Variants in ADGRL2 observed in about 807,000 individuals in gnomAD.
ADGRL2 encodes adhesion G protein-coupled receptor L2.
ADGRL2 carries 44 observed loss-of-function variants against 157.4 expected under a neutral mutation model. The observed-to-expected ratio is 0.28, with a 90% CI of 0.22 to 0.36. The LOEUF (loss-of-function observed/expected upper bound fraction) is 0.36, where lower values mean the gene tolerates loss of function less well. Among genes scored for constraint, ADGRL2 ranks in the 10% least tolerant of loss-of-function variants. ADGRL2 has a pLI of 1.00. For missense variants in ADGRL2, 1,510 were observed against 1,768.9 expected (o/e 0.85, Z 2.63); for synonymous variants, 585 against 624.7 (o/e 0.94, Z 0.95).
chr1:81,427,516 A>G (rs1344769875), intron 1 of ADGRL2: 2 of 750,578 alleles, frequency 2.7e-6, no homozygotes, highest in Non-Finnish European at 4.9e-6. Flanking sequence ...TTACGAACCC[A>G]TGTAAGGGGG....
intron 2 of ADGRL2, among the ~76,000 whole-genome samples, chr1:81,544,093 AC>A (rs1557445371): frequency 6.6e-6 from 1 of 151,800 alleles, no homozygotes. Flanking sequence ...CCATCTGGCA[AC>A]CCTGATTCCC....
At chr1:81,443,917 T>C (rs550110010) in intron 1 of ADGRL2, among the ~76,000 whole-genome samples, 1 of 152,328 alleles carries the variant, frequency 6.6e-6, no homozygotes, top group South Asian at 2.1e-4. Flanking sequence ...ATATACTTAT[T>C]TTGTTAGAAG....
intron 2 of ADGRL2, among the ~76,000 whole-genome samples, chr1:81,480,588 C>A (rs1262495948): frequency 6.6e-6 from 1 of 152,048 alleles, no homozygotes; most frequent in East Asian, 1.9e-4. Flanking sequence ...ATATAGCTGA[C>A]CATATTAGGG....
At chr1:81,753,586 T>C (rs1345760467) in intron 1 of ADGRL2, among the ~76,000 whole-genome samples, 2 of 152,208 alleles carry the variant, frequency 1.3e-5, no homozygotes, top group African/African-American at 4.8e-5. Context: ...TATACTGATA[T>C]GTTTGAGAAA....
intron 3 of ADGRL2, among the ~76,000 whole-genome samples, chr1:81,650,742 T>G (rs2082404294): frequency 6.6e-6 from 1 of 151,840 alleles, no homozygotes; most frequent in African/African-American, 2.4e-5. Flanking sequence ...TCAACAAAAT[T>G]TTTAAGATTT....
At chr1:81,405,285 T>G (rs2076833037) in intron 1 of ADGRL2, among the ~76,000 whole-genome samples, 1 of 152,208 alleles carries the variant, frequency 6.6e-6, no homozygotes, top group African/African-American at 2.4e-5. Flanking sequence ...GAAGTCTTTT[T>G]TGGCACTGGC....
chr1:81,330,715 T>TG (rs1252090059), intron 1 of ADGRL2, among the ~76,000 whole-genome samples: 6 of 152,168 alleles, frequency 3.9e-5, no homozygotes, highest in Admixed American at 3.9e-4. Context: ...TGCCAACAGA[T>TG]GCATCAGTCA....
chr1:81,463,188 C>T (rs952957680), intron 2 of ADGRL2, among the ~76,000 whole-genome samples: 3 of 150,744 alleles, frequency 2.0e-5, no homozygotes, highest in African/African-American at 7.3e-5. Flanking sequence ...TACAAATGGT[C>T]ATGGTCTTCA....
chr1:81,741,005 G>T (rs1319759038), intron 1 of ADGRL2, among the ~76,000 whole-genome samples: 3 of 151,674 alleles, frequency 2.0e-5, no homozygotes, highest in Admixed American at 6.6e-5. Context: ...ACAGAGAAAA[G>T]AAATATTATA....
intron 1 of ADGRL2, among the ~76,000 whole-genome samples, chr1:81,326,727 G>C (rs945727004): frequency 3.3e-5 from 5 of 152,152 alleles, no homozygotes; most frequent in African/African-American, 4.8e-5. Context: ...CAGAAATACT[G>C]TAATCAATCC....
chr1:81,444,910 C>T (rs2101700063), intron 1 of ADGRL2: 1 of 152,282 alleles, frequency 6.6e-6, no homozygotes, highest in East Asian at 1.9e-4. Flanking sequence ...TAAATGCCTT[C>T]ATCATTTGAA....
At chr1:81,509,322 C>T (rs1437928664) in intron 2 of ADGRL2, among the ~76,000 whole-genome samples, 1 of 151,772 alleles carries the variant, frequency 6.6e-6, no homozygotes, top group Non-Finnish European at 1.5e-5. Context: ...GTCTTCCATT[C>T]GTGGAAAATC....
intron 1 of ADGRL2, among the ~76,000 whole-genome samples, chr1:81,441,833 C>T (rs139172730): frequency 1.3e-5 from 2 of 152,140 alleles, no homozygotes; most frequent in Non-Finnish European, 2.9e-5. Flanking sequence ...CCACCACTCC[C>T]AACCTAGAAT....
chr1:81,390,628 A>G (rs1190434485), intron 1 of ADGRL2, among the ~76,000 whole-genome samples: 1 of 152,300 alleles, frequency 6.6e-6, no homozygotes, highest in Non-Finnish European at 1.5e-5. Flanking sequence ...TTCCATACCT[A>G]TCCTAATAGA....
intron 1 of ADGRL2, among the ~76,000 whole-genome samples, chr1:81,401,346 T>C (rs1025264032): frequency 6.6e-6 from 1 of 152,124 alleles, no homozygotes; most frequent in Non-Finnish European, 1.5e-5. Flanking sequence ...ACTACAGTTG[T>C]CCAAGGTGCT....
intron 2 of ADGRL2, among the ~76,000 whole-genome samples, chr1:81,575,357 TA>T (rs2080777376): frequency 6.6e-6 from 1 of 152,138 alleles, no homozygotes; most frequent in African/African-American, 2.4e-5. Context: ...ACGGAAAGGT[TA>T]AAAAGCAGTA....
rs188319396 is a variant in ADGRL2 at position 81,413,933 on chromosome 1, T to C, written c.-301-31103T>C. ...AAGAGGAAGGGGAAAAGGAGTCCTA[T>C]TGCCACTCTGTGTAGATATCTGTGA... is the stretch of plus-strand genomic sequence containing the variant. On this transcript the variant is annotated intron_variant, in intron 1 of 24. Coordinates refer to the ADGRL2 transcript ENST00000370721. 4.9e-3 allele frequency among the ~76,000 whole-genome samples: 747 copies of C among 152,302 alleles called. 8 individuals are homozygous for C. Among genetic ancestry groups the C allele is most frequent in the African/African-American group, 0.017 (727 of 41,570 alleles).
At position 81,622,430 on chromosome 1, in the gene ADGRL2, A is replaced by T. The variant is rs149849045; in HGVS notation, c.-143+41450A>T. On this transcript the variant is annotated intron_variant, in intron 3 of 24. Transcript: ENST00000370721. ...ACCCTGTCTCTACTAAAAATACAAA[A>T]ATTAGCTGGGCGTGGTGGCACACGC... is the stretch of plus-strand genomic sequence containing the variant. Among the ~76,000 whole-genome samples the T allele has an allele frequency of 8.6e-3, 1,304 of 152,160 alleles. 33 individuals carry two copies. The highest frequency in any genetic ancestry group is 0.03 in the African/African-American group (1,239 of 41,510).
chr1:81,629,954 G>T (rs1016023292), intron 3 of ADGRL2, among the ~76,000 whole-genome samples: 1 of 151,498 alleles, frequency 6.6e-6, no homozygotes, highest in African/African-American at 2.4e-5. Context: ...TGTAGGACAG[G>T]CTAAAAACTT....
Sources: allele counts gnomAD v4.1 joint callset (sites outside exome capture counted in the v4.1 genomes callset), GRCh38; gene constraint gnomAD v4.1.1; transcripts MANE v1.5; gene names NCBI Gene and HGNC (gene_info 2026-07-23, HGNC 2026-07-21).